Variants in ARHGAP12 observed in about 807,000 individuals in gnomAD.
ARHGAP12 encodes rho GTPase-activating protein 12.
In ARHGAP12, 64 loss-of-function variants were observed where a neutral mutation model predicts 108.6. The observed-to-expected ratio is 0.59, with a 90% CI of 0.48 to 0.73. The LOEUF is 0.73. Ranked by LOEUF, ARHGAP12 falls within the 30% of genes least tolerant of loss-of-function variation. The probability of loss-of-function intolerance (pLI) is 0.00; values close to 1 mark genes in which losing one functional copy is unlikely to be tolerated. For synonymous variants in ARHGAP12, 312 were observed against 337.2 expected (o/e 0.93, Z 0.82); for missense variants, 940 against 1,005.9 (o/e 0.93, Z 0.89).
intron 3 of ARHGAP12, 120 bp from the exon 4 acceptor site, chr10:31,861,778 A>T: frequency 1.1e-6 from 1 of 883,140 alleles, no homozygotes; most frequent in South Asian, 2.2e-5. Context: ...ATACAGGTGA[A>T]TATATTCTGA....
At chr10:31,859,879 C>T (rs1180647158) in intron 4 of ARHGAP12, among the ~76,000 whole-genome samples, 2 of 151,520 alleles carry the variant, frequency 1.3e-5, no homozygotes, top group African/African-American at 4.9e-5. Flanking sequence ...ACTGCAGTCT[C>T]CACCTCCCGG....
chr10:31,927,415 C>T (rs1840095977), intron 1 of ARHGAP12, among the ~76,000 whole-genome samples: 1 of 152,200 alleles, frequency 6.6e-6, no homozygotes, highest in Non-Finnish European at 1.5e-5. Context: ...ATTTTTAACA[C>T]TTCCATTGAA....
At chr10:31,861,252 C>T in intron 4 of ARHGAP12, 143 bp downstream of exon 4, 1 of 1,036,500 alleles carries the variant, frequency 9.6e-7, no homozygotes, top group Non-Finnish European at 1.4e-6. Context: ...TTTAGTAAAG[C>T]TTGGAAAGAA....
At chr10:31,852,426 T>C (rs1470397225) in intron 6 of ARHGAP12, 91 bp downstream of exon 6, 12 of 1,048,440 alleles carry the variant, frequency 1.1e-5, no homozygotes, top group Non-Finnish European at 1.8e-5. Context: ...AAAAGTAGAA[T>C]AAAGATCTTA....
At chr10:31,853,372 C>T (rs1181947979) in intron 5 of ARHGAP12, among the ~76,000 whole-genome samples, 1 of 152,068 alleles carries the variant, frequency 6.6e-6, no homozygotes, top group Non-Finnish European at 1.5e-5. Flanking sequence ...ACAGCAACAA[C>T]AGAACATCAT....
intron 4 of ARHGAP12, among the ~76,000 whole-genome samples, chr10:31,859,256 G>A (rs1243665860): frequency 6.6e-6 from 1 of 152,122 alleles, no homozygotes; most frequent in East Asian, 1.9e-4. Context: ...ACCGTGTATA[G>A]GCAAGAGACC....
intron 4 of ARHGAP12, among the ~76,000 whole-genome samples, chr10:31,856,691 C>T (rs1357470749): frequency 6.6e-6 from 1 of 152,154 alleles, no homozygotes; most frequent in Non-Finnish European, 1.5e-5. Flanking sequence ...CCACCTTCAA[C>T]CCCAGCAGTA....
intron 4 of ARHGAP12, among the ~76,000 whole-genome samples, chr10:31,859,307 GACCT>G (rs1837020007): frequency 6.6e-6 from 1 of 152,204 alleles, no homozygotes; most frequent in Non-Finnish European, 1.5e-5. Context: ...CAAAAGGAAA[GACCT>G]AATGGGTCTA....
At chr10:31,890,822 A>T (rs1838395570) in intron 3 of ARHGAP12, among the ~76,000 whole-genome samples, 2 of 152,158 alleles carry the variant, frequency 1.3e-5, no homozygotes, top group Non-Finnish European at 2.9e-5. Flanking sequence ...TTAACCAGAA[A>T]ATCCAATTAG....
intron 9 of ARHGAP12, among the ~76,000 whole-genome samples, chr10:31,836,706 C>T (rs1836031027): frequency 6.6e-6 from 1 of 152,068 alleles, no homozygotes; most frequent in South Asian, 2.1e-4. Context: ...GAAATATCTC[C>T]CTGTAGTAAC....
At chr10:31,815,978 C>T (rs1216545121) in intron 13 of ARHGAP12, among the ~76,000 whole-genome samples, 1 of 152,044 alleles carries the variant, frequency 6.6e-6, no homozygotes, top group East Asian at 1.9e-4. Context: ...GGTGAAACCT[C>T]ATCTCTACTA....
chr10:31,823,961 T>C (rs1835506469), intron 11 of ARHGAP12, among the ~76,000 whole-genome samples: 1 of 152,188 alleles, frequency 6.6e-6, no homozygotes, highest in Non-Finnish European at 1.5e-5. Context: ...TCAACAAAGC[T>C]AGAATTCTTT....
intron 3 of ARHGAP12, among the ~76,000 whole-genome samples, chr10:31,883,406 G>A (rs1838061137): frequency 6.6e-6 from 1 of 152,214 alleles, no homozygotes; most frequent in South Asian, 2.1e-4. Context: ...GAGAAATGGT[G>A]TCAATTCATC....
In ARHGAP12 at chr10:31,808,657, A is replaced by G; in HGVS notation, c.2358T>C (p.His786=). ...NQDTMQILFR[H]LRRVIENGEK... is the part of the protein sequence containing the mutation. The stretch of plus-strand genomic sequence containing the variant: ...CTGGGCAGTCCTCCTACCTTCTGAG[A>G]TGTCGGAAAAGAATCTGCATTGTGT... The change falls in exon 19 of 20, where the codon CAT becomes CAC. Residue 786 remains histidine (H), a synonymous_variant. Transcript: ENST00000344936. 6.2e-7 allele frequency: 1 copy of G among 1,612,140 alleles called. No homozygotes were observed. Among genetic ancestry groups the G allele is most frequent in the African/African-American group, 1.3e-5 (1 of 74,958 alleles).
intron 3 of ARHGAP12, among the ~76,000 whole-genome samples, chr10:31,875,887 GTC>G (rs1181245582): frequency 6.6e-6 from 1 of 152,102 alleles, no homozygotes; most frequent in African/African-American, 2.4e-5. Flanking sequence ...TCTACTTTCT[GTC>G]TCTATGAATT....
chr10:31,838,141 C>G lies in ARHGAP12; in HGVS notation c.1386+1164G>C, dbSNP rs139649272. Among the ~76,000 whole-genome samples the G allele has an allele frequency of 3.9e-4, 59 of 152,012 alleles. No homozygotes were observed. The East Asian group carries it at 0.011, about 28-fold the overall frequency. ...GAGGAAATAAAAGTTCAAACTAAGCCCTGATGAATGAATAGAAGCTAACCA... is the reference window on the plus strand; with the variant it reads ...GAGGAAATAAAAGTTCAAACTAAGCGCTGATGAATGAATAGAAGCTAACCA... On this transcript the variant is annotated intron_variant, in intron 9 of 19. Transcript: ENST00000344936.
At chr10:31,827,163 T>G (rs1747174995) in intron 10 of ARHGAP12, among the ~76,000 whole-genome samples, 2 of 152,318 alleles carry the variant, frequency 1.3e-5, no homozygotes, top group Admixed American at 1.3e-4. Flanking sequence ...TTCACCCATT[T>G]AGAACTTTAA....
At chr10:31,833,619 C>T (rs144731059) in intron 9 of ARHGAP12, among the ~76,000 whole-genome samples, 70 of 152,302 alleles carry the variant, frequency 4.6e-4, no homozygotes, top group African/African-American at 1.6e-3. Flanking sequence ...ACATAAAGAA[C>T]AAAATTTGCT....
intron 3 of ARHGAP12, among the ~76,000 whole-genome samples, chr10:31,862,691 CGCATGCACA>C (rs1013750224): frequency 1.4e-5 from 2 of 143,150 alleles, no homozygotes; most frequent in Non-Finnish European, 3.0e-5. Flanking sequence ...ATGACAGTGG[CGCATGCACA>C]CACAGACACA....
Sources: gnomAD v4.1 joint callset for allele counts (sites outside exome capture counted in the v4.1 genomes callset) on GRCh38, gnomAD v4.1.1 for gene constraint, MANE v1.5 for transcripts, NCBI Gene and HGNC (gene_info 2026-07-23, HGNC 2026-07-21) for gene names.